The following SLC67A1 variants were observed in gnomAD, a reference collection of about 807,000 sequenced individuals.
SLC67A1 encodes the protein solute carrier family 67 member 1, also known as solute carrier family 67 member A1.
the SLC67A1 span, among the ~76,000 whole-genome samples, chr11:2,914,486 G>A: frequency 2.0e-5 from 3 of 152,128 alleles, no homozygotes; most frequent in African/African-American, 7.2e-5. Flanking sequence ...TGGGGAGCAG[G>A]AGAGCTGTGA....
the SLC67A1 span, among the ~76,000 whole-genome samples, chr11:2,915,747 G>A: frequency 1.3e-5 from 2 of 152,236 alleles, no homozygotes; most frequent in African/African-American, 2.4e-5. Flanking sequence ...AGGCCTGGAG[G>A]CCTTACAGAC....
chr11:2,912,652 C>T, the SLC67A1 span, among the ~76,000 whole-genome samples: 5 of 152,162 alleles, frequency 3.3e-5, no homozygotes, highest in Non-Finnish European at 7.4e-5. Context: ...ACTGGTATAA[C>T]TGGTTTGGGC....
At chr11:2,900,715 A>AAT in the SLC67A1 span, among the ~76,000 whole-genome samples, 1 of 150,918 alleles carries the variant, frequency 6.6e-6, no homozygotes, top group Non-Finnish European at 1.5e-5. Context: ...AAAAAAAAAA[A>AAT]AAGATATGGG....
chr11:2,912,748 G>GGGTGGCTC, the SLC67A1 span, among the ~76,000 whole-genome samples: 367 of 152,326 alleles, frequency 2.4e-3, 3 homozygotes, highest in Middle Eastern at 0.024. Flanking sequence ...GCTGGGTGGG[G>GGGTGGCTC]GGTGGCTCTG....
the SLC67A1 span, among the ~76,000 whole-genome samples, chr11:2,913,672 C>A: frequency 2.0e-5 from 3 of 152,244 alleles, no homozygotes; most frequent in African/African-American, 7.2e-5. Flanking sequence ...CTCTGGACAG[C>A]CCCCTGCCCC....
At chr11:2,910,433 T>C in the SLC67A1 span, among the ~76,000 whole-genome samples, 1 of 151,980 alleles carries the variant, frequency 6.6e-6, no homozygotes, top group Admixed American at 6.6e-5. Context: ...CTAGGGCCTG[T>C]CTGAGGAGGC....
At chr11:2,902,534 C>T in the SLC67A1 span, 1 of 978,200 alleles carries the variant, frequency 1.0e-6, no homozygotes, top group Non-Finnish European at 1.2e-6. Context: ...GCGCAGCTCC[C>T]GGACCCTCAG....
At chr11:2,909,295 G>GC in the SLC67A1 span, 1 of 1,534,322 alleles carries the variant, frequency 6.5e-7, no homozygotes, top group East Asian at 2.5e-5. Flanking sequence ...GCCCGGCCCT[G>GC]CCCGGGGTCT....
the SLC67A1 span, among the ~76,000 whole-genome samples, chr11:2,918,550 C>T: frequency 2.0e-5 from 3 of 152,220 alleles, no homozygotes; most frequent in Non-Finnish European, 4.4e-5. Flanking sequence ...TCAGAAGCCC[C>T]GCCTGGACTC....
the SLC67A1 span, among the ~76,000 whole-genome samples, chr11:2,907,392 A>T: frequency 6.6e-6 from 1 of 152,120 alleles, no homozygotes; most frequent in Admixed American, 6.5e-5. This position sits in a 1 kb window ranked among gnomAD's most constrained non-coding sequence, Gnocchi z 6.7. Flanking sequence ...AGCCCCTGGG[A>T]GCCCAGACAT....
the SLC67A1 span, among the ~76,000 whole-genome samples, chr11:2,923,810 CT>C: frequency 6.6e-6 from 1 of 152,242 alleles, no homozygotes; most frequent in Non-Finnish European, 1.5e-5. This position sits in a 1 kb window ranked among gnomAD's most constrained non-coding sequence, Gnocchi z 6.5. Context: ...GACACCACCC[CT>C]GGCCTGGTAG....
the SLC67A1 span, chr11:2,922,417 C>G: frequency 6.2e-7 from 1 of 1,606,654 alleles, no homozygotes; most frequent in Non-Finnish European, 8.5e-7. Flanking sequence ...CTCAGCTCGG[C>G]CCCCGCCTGC....
At chr11:2,909,906 G>A in the SLC67A1 span, 1 of 561,076 alleles carries the variant, frequency 1.8e-6, no homozygotes, top group Non-Finnish European at 3.0e-6. Context: ...CCTGGATAGG[G>A]CCAGGTGATG....
chr11:2,922,126 C>T, the SLC67A1 span: 2 of 1,613,432 alleles, frequency 1.2e-6, no homozygotes, highest in Non-Finnish European at 1.7e-6. Context: ...GGTCATCGGG[C>T]AGCTGAGCAG....
chr11:2,914,647 C>T, the SLC67A1 span: 431 of 953,370 alleles, frequency 4.5e-4, 1 homozygote, highest in African/African-American at 6.4e-3. Context: ...TTGGTTTACC[C>T]ACCACCGCTC....
chr11:2,907,857 TG>T, the SLC67A1 span, among the ~76,000 whole-genome samples: 1 of 152,140 alleles, frequency 6.6e-6, no homozygotes, highest in African/African-American at 2.4e-5. The surrounding 1 kb of genome is among the most constrained non-coding windows in gnomAD (Gnocchi z 6.7). Context: ...GGAGGTCACT[TG>T]GGGGCCTTGG....
the SLC67A1 span, among the ~76,000 whole-genome samples, chr11:2,901,095 G>A: frequency 2.3e-4 from 35 of 152,346 alleles, no homozygotes; most frequent in African/African-American, 7.0e-4. Flanking sequence ...CAGTTTCTAA[G>A]GCCAGCTTCG....
the SLC67A1 span, chr11:2,916,926 G>A: frequency 1.7e-6 from 1 of 590,632 alleles, no homozygotes; most frequent in Non-Finnish European, 3.1e-6. Flanking sequence ...GTGTGGTCAT[G>A]AAGAGGTGGA....
At chr11:2,903,668 C>T in the SLC67A1 span, 59 of 662,440 alleles carry the variant, frequency 8.9e-5, no homozygotes, top group Middle Eastern at 7.9e-4. Flanking sequence ...CTCTGGACCC[C>T]CGTCAGCACA....
Sources: allele counts gnomAD v4.1 joint callset (sites outside exome capture counted in the v4.1 genomes callset), GRCh38; gene constraint gnomAD v4.1.1; non-coding constraint Gnocchi (gnomAD v3.1); transcripts MANE v1.5; gene names NCBI Gene and HGNC (gene_info 2026-07-23, HGNC 2026-07-21).